Variants in TNFAIP6 observed in about 807,000 individuals in gnomAD.
TNFAIP6 encodes TNF alpha induced protein 6.
Under a neutral mutation model 33.7 loss-of-function variants are expected in TNFAIP6, and 36 were observed. That is an observed-to-expected ratio of 1.07 (90% CI 0.82 to 1.41). TNFAIP6 has a LOEUF of 1.41. Ranked by LOEUF, TNFAIP6 falls within the 40% of genes most tolerant of loss-of-function variation. The pLI is 0.00. For synonymous variants in TNFAIP6, 113 were observed against 112.8 expected, an observed-to-expected ratio of 1.00 and a Z score of -0.01; for missense variants, 273 against 331.9, an observed-to-expected ratio of 0.82 and a Z score of 1.38.
At chr2:151,365,979 G>A (rs947690039) in intron 2 of TNFAIP6, 77 bp from the exon 3 acceptor site, 3 of 1,394,840 alleles carry the variant, frequency 2.2e-6, no homozygotes, top group African/African-American at 1.4e-5. Flanking sequence ...ATTGGAAGTG[G>A]CTATCTTTGC....
downstream of TNFAIP6, chr2:151,380,082 G>A (rs1272026607): frequency 6.6e-6 from 1 of 151,970 alleles, no homozygotes; most frequent in Non-Finnish European, 1.5e-5. Flanking sequence ...TTAAGACAAG[G>A]ACCTGGAAAT....
In TNFAIP6 at chr2:151,359,386, AT is replaced by A. The variant is rs35150597; in HGVS notation, c.94+1646del. 3.2e-3 allele frequency among the ~76,000 whole-genome samples: 412 copies of A among 130,142 alleles called. 1 individual carries two copies. The highest frequency in any genetic ancestry group is 0.012 in the Middle Eastern group (3 of 258). The allele number at this position is 130,142 out of a possible 152,430, so 85.4% of individuals were successfully genotyped here. ...GAAGAATTGTCTTGGGCAACTCATA[AT>A]TTTTTTTTTTTTTTTTTTTGAGGCA... On this transcript the variant is annotated intron_variant, in intron 1 of 5. Coordinates refer to ENST00000243347, the MANE Select transcript of TNFAIP6 (RefSeq NM_007115.4).
chr2:151,375,308 G>T (rs1309859744), intron 5 of TNFAIP6, among the ~76,000 whole-genome samples: 1 of 150,476 alleles, frequency 6.6e-6, no homozygotes, highest in East Asian at 1.9e-4. Context: ...AAACAGAAAA[G>T]AATATAGTTA....
Position 151,361,783 on chromosome 2 carries a change from A to C in TNFAIP6, c.95-2160A>C, listed in dbSNP as rs182468633. 4.1e-3 allele frequency among the ~76,000 whole-genome samples: 621 copies of C among 152,354 alleles called. 4 individuals carry two copies. The highest frequency in any genetic ancestry group is 0.014 in the African/African-American group (578 of 41,586). ...AGTTTAATGAGGCTTTGCCGTATGA[A>C]GGACACTGGGCAGCAGGCATCTTTC... On this transcript the variant is annotated intron_variant, in intron 1 of 5. Coordinates refer to ENST00000243347, the MANE Select transcript of TNFAIP6 (RefSeq NM_007115.4).
chr2:151,364,867 C>T lies in TNFAIP6; in HGVS notation c.232+787C>T, dbSNP rs10173695. 7.2e-3 allele frequency among the ~76,000 whole-genome samples: 1,099 copies of T among 152,102 alleles called. 16 individuals carry two copies. The highest frequency in any genetic ancestry group is 0.025 in the African/African-American group (1,052 of 41,498). ...TGACTGCTGGTCTGTAATCAGGGGG[C>T]GGCATGGGGCATAGTAACTGGAGTG... On this transcript the variant is annotated intron_variant, in intron 2 of 5. Transcript: ENST00000243347.
At chr2:151,369,053 C>T (rs1235654619) in intron 3 of TNFAIP6, among the ~76,000 whole-genome samples, 5 of 152,204 alleles carry the variant, frequency 3.3e-5, no homozygotes, top group South Asian at 2.1e-4. Context: ...ATTAGCCAGA[C>T]GTGGTGGCTC....
chr2:151,363,975 C>T lies in TNFAIP6; in HGVS notation c.127C>T (p.Arg43Trp). 1 of 1,614,054 alleles carries T rather than the reference C, an allele frequency of 6.2e-7. No individual in the cohort carries two copies. The highest frequency in any genetic ancestry group is 1.1e-5 in the South Asian group (1 of 91,082). Residue 43 changes from arginine (R) to tryptophan (W), a missense_variant, in exon 2 of 6, where the codon CGG becomes TGG. Physicochemically the swap from Arg to Trp is moderately radical, Grantham distance 101 (BLOSUM62 -3). Coordinates refer to ENST00000243347, the MANE Select transcript of TNFAIP6 (RefSeq NM_007115.4). ...RAAGVYHREA[R>W]SGKYKLTYAE... ...AGCCGGTGTGTACCACAGAGAAGCACGGTCTGGCAAATACAAGCTCACCTA... is the reference window on the plus strand; with the variant it reads ...AGCCGGTGTGTACCACAGAGAAGCATGGTCTGGCAAATACAAGCTCACCTA...
chr2:151,370,937 G>A (rs1373090682), intron 4 of TNFAIP6, among the ~76,000 whole-genome samples: 1 of 152,014 alleles, frequency 6.6e-6, no homozygotes, highest in African/African-American at 2.4e-5. Flanking sequence ...CGGGCGTGGT[G>A]GCAGGCGCCT....
intron 3 of TNFAIP6, among the ~76,000 whole-genome samples, chr2:151,368,106 A>G (rs955017796): frequency 1.3e-5 from 2 of 152,056 alleles, no homozygotes; most frequent in Non-Finnish European, 2.9e-5. Flanking sequence ...AAAGCTGGCA[A>G]TGTACATCCT....
chr2:151,357,912 CTTT>C, intron 1 of TNFAIP6, 152 bp downstream of exon 1: 2 of 364,864 alleles, frequency 5.5e-6, no homozygotes, highest in Non-Finnish European at 9.9e-6. Flanking sequence ...AATACATACG[CTTT>C]TTTTTTTTTA....
chr2:151,366,353 A>T, intron 3 of TNFAIP6, 136 bp downstream of exon 3: 2 of 742,496 alleles, frequency 2.7e-6, no homozygotes, highest in South Asian at 3.7e-5. Flanking sequence ...ACTACAATTC[A>T]TAAAGTGCTT....
chr2:151,362,732 C>T (rs956915436), intron 1 of TNFAIP6, among the ~76,000 whole-genome samples: 11 of 152,148 alleles, frequency 7.2e-5, no homozygotes, highest in Admixed American at 2.6e-4. Context: ...CCTCGTGATC[C>T]GCCCGCCTCG....
chr2:151,363,575 T>C (rs528210273), intron 1 of TNFAIP6, among the ~76,000 whole-genome samples: 1 of 151,188 alleles, frequency 6.6e-6, no homozygotes, highest in East Asian at 2.0e-4. Flanking sequence ...GGCAGGAGAA[T>C]GGTGTGAACC....
intron 1 of TNFAIP6, among the ~76,000 whole-genome samples, chr2:151,361,741 A>C (rs1684627204): frequency 6.6e-6 from 1 of 152,194 alleles, no homozygotes; most frequent in African/African-American, 2.4e-5. Flanking sequence ...AAAGTAACTA[A>C]ATTGAAAACT....
At chr2:151,371,417 T>C (rs1021252144) in intron 4 of TNFAIP6, among the ~76,000 whole-genome samples, 1 of 152,158 alleles carries the variant, frequency 6.6e-6, no homozygotes, top group Non-Finnish European at 1.5e-5. Context: ...AGTAATTTAA[T>C]GGGGAAAAAA....
intron 2 of TNFAIP6, 134 bp downstream of exon 2, chr2:151,364,214 C>A: frequency 8.9e-7 from 1 of 1,125,928 alleles, no homozygotes; most frequent in Non-Finnish European, 1.2e-6. Context: ...CATTTCTGCT[C>A]TCTGACTTCT....
intron 1 of TNFAIP6, among the ~76,000 whole-genome samples, chr2:151,362,550 G>A (rs1684644135): frequency 7.4e-6 from 1 of 135,450 alleles, no homozygotes; most frequent in Non-Finnish European, 1.5e-5. Context: ...GAGTGCAGTG[G>A]CGCAATCTCG....
Position 151,357,697 on chromosome 2 carries a change from C to A in TNFAIP6, c.31C>A (p.Leu11Ile). The change falls in exon 1 of 6, where the codon CTA becomes ATA. Residue 11 changes from leucine (L) to isoleucine (I), a missense_variant. Leu to Ile is a conservative substitution (Grantham distance 5). Transcript: ENST00000243347. MIILIYLFLL[L>I]WEDTQGWGFK... The stretch of plus-strand genomic sequence containing the variant: ...CATCTTAATTTACTTATTTCTCTTG[C>A]TATGGGAAGACACTCAAGGATGGGG... 6.2e-7 allele frequency: 1 copy of A among 1,612,336 alleles called. No homozygotes were observed. The highest frequency in any genetic ancestry group is 2.2e-5 in the East Asian group (1 of 44,856).
chr2:151,376,116 C>T (rs1300513713), intron 5 of TNFAIP6, among the ~76,000 whole-genome samples: 1 of 151,982 alleles, frequency 6.6e-6, no homozygotes, highest in East Asian at 1.9e-4. Context: ...TGTGGTGGCA[C>T]GTGCCTGTAA....
Sources: allele counts gnomAD v4.1 joint callset (sites outside exome capture counted in the v4.1 genomes callset), GRCh38; gene constraint gnomAD v4.1.1; transcripts MANE v1.5; gene names NCBI Gene and HGNC (gene_info 2026-07-23, HGNC 2026-07-21).